Variants in SDK1 observed in about 807,000 individuals in gnomAD.
SDK1 encodes the protein protein sidekick-1.
In SDK1, 157 loss-of-function variants were observed where a neutral mutation model predicts 245.5. The observed-to-expected ratio is 0.64, with a 90% confidence interval of 0.56 to 0.73. The LOEUF is 0.73. Ranked by LOEUF, SDK1 falls within the 30% of genes least tolerant of loss-of-function variation. The pLI is 0.00. For missense variants in SDK1, 3,583 were observed against 3,002.3 expected (o/e 1.19, Z -4.52); for synonymous variants, 1,647 against 1,278.5 (o/e 1.29, Z -6.15).
intron 4 of SDK1, among the ~76,000 whole-genome samples, chr7:3,676,958 T>G (rs2114978406): frequency 6.6e-6 from 1 of 152,346 alleles, no homozygotes; most frequent in African/African-American, 2.4e-5. Flanking sequence ...TCAACTTTGT[T>G]CTTTTTGCTT....
chr7:3,891,300 C>T (rs1053511667), intron 5 of SDK1, among the ~76,000 whole-genome samples: 1 of 152,102 alleles, frequency 6.6e-6, no homozygotes, highest in South Asian at 2.1e-4. Flanking sequence ...CCGTGGTTTT[C>T]GTGGCTCTGA....
intron 4 of SDK1, among the ~76,000 whole-genome samples, chr7:3,773,846 G>A (rs897236939): frequency 6.6e-6 from 1 of 152,152 alleles, no homozygotes; most frequent in Non-Finnish European, 1.5e-5. Flanking sequence ...CATATATGCA[G>A]TTGCTTTTGA....
chr7:4,120,914 C>T (rs916982114), intron 25 of SDK1, among the ~76,000 whole-genome samples: 1 of 148,360 alleles, frequency 6.7e-6, no homozygotes, highest in African/African-American at 2.5e-5. Context: ...CCACACCCGG[C>T]CAAGAACACT....
intron 17 of SDK1, among the ~76,000 whole-genome samples, chr7:4,038,105 C>A (rs964950798): frequency 1.3e-4 from 20 of 152,184 alleles, no homozygotes; most frequent in African/African-American, 4.3e-4. Flanking sequence ...CAAGGTGACA[C>A]CCCTCCCATG....
chr7:3,605,145 A>AACACACACACACACACACACAC (rs3086077), intron 1 of SDK1, among the ~76,000 whole-genome samples: 110 of 147,374 alleles, frequency 7.5e-4, no homozygotes, highest in East Asian at 2.6e-3. Flanking sequence ...AAAAACAAGA[A>AACACACACACACACACACACAC]ACACACACAC....
intron 4 of SDK1, among the ~76,000 whole-genome samples, chr7:3,774,893 A>G (rs915950480): frequency 1.4e-4 from 22 of 152,220 alleles, no homozygotes; most frequent in African/African-American, 4.6e-4. Context: ...CTGTTAAATT[A>G]TCACACTCAT....
Position 3,774,361 on chromosome 7 carries a change from A to G in SDK1, c.714-47089A>G, listed in dbSNP as rs373637177. On this transcript the variant is annotated intron_variant, in intron 4 of 44. Transcript: ENST00000404826. ...CTGCACCTCTGTGATCAAAAGCAGC[A>G]ATCAGTGATAAGAACAGATGTCTTG... is the stretch of plus-strand genomic sequence containing the variant. 5.9e-5 allele frequency among the ~76,000 whole-genome samples: 9 copies of G among 152,334 alleles called. No individual in the cohort carries two copies. In the East Asian group the frequency reaches 9.7e-4, roughly 16 times the overall value.
chr7:3,520,808 C>T (rs1782914024), intron 1 of SDK1, among the ~76,000 whole-genome samples: 1 of 152,176 alleles, frequency 6.6e-6, no homozygotes, highest in African/African-American at 2.4e-5. Flanking sequence ...GTCCTGCCTA[C>T]CTTTTTATTA....
At chr7:4,190,257 C>T (rs932991816) in intron 35 of SDK1, among the ~76,000 whole-genome samples, 1 of 152,336 alleles carries the variant, frequency 6.6e-6, no homozygotes, top group South Asian at 2.1e-4. Flanking sequence ...GTGCAAACCA[C>T]AGGCCGCCCC....
intron 4 of SDK1, among the ~76,000 whole-genome samples, chr7:3,678,437 A>G (rs981302261): frequency 1.3e-5 from 2 of 152,246 alleles, no homozygotes; most frequent in Non-Finnish European, 2.9e-5. Context: ...TTATGTGCCC[A>G]TAAAAGGCAG....
At chr7:3,753,241 C>T (rs1562417938) in intron 4 of SDK1, among the ~76,000 whole-genome samples, 2 of 152,304 alleles carry the variant, frequency 1.3e-5, no homozygotes, top group East Asian at 1.9e-4. Flanking sequence ...TATAAACCCT[C>T]TTCATTTTAT....
In SDK1 at chr7:3,893,449, G is replaced by A. The variant is rs188274367; in HGVS notation, c.848-57474G>A. Among the ~76,000 whole-genome samples, 437 of 152,150 alleles carry A rather than the reference G, an allele frequency of 2.9e-3. 1 individual carries two copies. Among genetic ancestry groups the A allele is most frequent in the African/African-American group, 1.0e-2 (415 of 41,514 alleles). On this transcript the variant is annotated intron_variant, in intron 5 of 44. Transcript: ENST00000404826. ...TGTGGGGATAAATGAGCCGGTGCAT[G>A]CAAACTCAAGTAGCTGTTATTATTT... is the stretch of plus-strand genomic sequence containing the variant.
intron 2 of SDK1, among the ~76,000 whole-genome samples, chr7:3,630,346 T>C (rs1282594140): frequency 6.6e-6 from 1 of 152,250 alleles, no homozygotes; most frequent in Non-Finnish European, 1.5e-5. Context: ...TGATCATTTA[T>C]GTAGAAAATA....
At chr7:3,602,726 G>A (rs928656438) in intron 1 of SDK1, among the ~76,000 whole-genome samples, 8 of 152,054 alleles carry the variant, frequency 5.3e-5, no homozygotes, top group Admixed American at 5.2e-4. Context: ...ATTGCTTTTG[G>A]TGTTTTAGAC....
chr7:4,248,785 A>G (rs1190593582), intron 44 of SDK1, among the ~76,000 whole-genome samples: 2 of 152,110 alleles, frequency 1.3e-5, no homozygotes, highest in African/African-American at 4.8e-5. Context: ...ATACTCATAC[A>G]TATACCTACA....
intron 4 of SDK1, among the ~76,000 whole-genome samples, chr7:3,776,653 C>T (rs1377530323): frequency 6.6e-6 from 1 of 151,136 alleles, no homozygotes; most frequent in Non-Finnish European, 1.5e-5. Flanking sequence ...TCACTGCCTA[C>T]AGTAACTGAC....
chr7:3,938,506 C>T (rs1303351912), intron 5 of SDK1, among the ~76,000 whole-genome samples: 3 of 151,980 alleles, frequency 2.0e-5, no homozygotes, highest in Non-Finnish European at 2.9e-5. Flanking sequence ...ATTAGCCGGG[C>T]GTGGTGGCAG....
chr7:3,496,737 T>G (rs11979985), intron 1 of SDK1, among the ~76,000 whole-genome samples: 14,824 of 152,240 alleles, frequency 0.097, 1,006 homozygotes, highest in African/African-American at 0.19. Flanking sequence ...TCATTTTCAT[T>G]TGTTACATTC....
intron 1 of SDK1, among the ~76,000 whole-genome samples, chr7:3,327,385 T>A (rs545990243): frequency 6.6e-6 from 1 of 152,294 alleles, no homozygotes; most frequent in South Asian, 2.1e-4. Context: ...CCTCTCTGGC[T>A]GCTTAGCTTT....
Sources: allele counts gnomAD v4.1 joint callset (sites outside exome capture counted in the v4.1 genomes callset), GRCh38; gene constraint gnomAD v4.1.1; transcripts MANE v1.5; gene names NCBI Gene and HGNC (gene_info 2026-07-23, HGNC 2026-07-21).